Variants in SLC9C2 observed in about 807,000 individuals in gnomAD.
SLC9C2 encodes the protein sodium/hydrogen exchanger 11.
SLC9C2 carries 75 observed loss-of-function variants against 140.2 expected under a neutral mutation model. The observed-to-expected ratio is 0.53, with a 90% confidence interval of 0.44 to 0.65. SLC9C2 has a LOEUF of 0.65. Ranked by LOEUF, SLC9C2 falls within the 30% of genes least tolerant of loss-of-function variation. The pLI is 0.00. For synonymous variants in SLC9C2, 375 were observed against 420.9 expected, an observed-to-expected ratio of 0.89 and a Z score of 1.34; for missense variants, 1,074 against 1,331.8, an observed-to-expected ratio of 0.81 and a Z score of 3.01.
At chr1:173,513,153 G>A (rs967763248) in intron 23 of SLC9C2, among the ~76,000 whole-genome samples, 1 of 152,048 alleles carries the variant, frequency 6.6e-6, no homozygotes, top group Non-Finnish European at 1.5e-5. Flanking sequence ...GCCAGGTTTT[G>A]GTATCAGGAT....
chr1:173,520,570 G>A (rs964079175), intron 22 of SLC9C2, among the ~76,000 whole-genome samples: 2 of 152,198 alleles, frequency 1.3e-5, no homozygotes, highest in Non-Finnish European at 2.9e-5. Context: ...CCACATGGTG[G>A]TAATGAAGCA....
At chr1:173,502,867 G>T (rs1659381034) in intron 27 of SLC9C2, among the ~76,000 whole-genome samples, 1 of 152,132 alleles carries the variant, frequency 6.6e-6, no homozygotes, top group Admixed American at 6.5e-5. Flanking sequence ...CGTGTGATCA[G>T]CCTGTGACTC....
intron 9 of SLC9C2, among the ~76,000 whole-genome samples, chr1:173,569,301 T>C (rs1252835116): frequency 1.3e-5 from 2 of 151,924 alleles, no homozygotes; most frequent in Non-Finnish European, 2.9e-5. Flanking sequence ...AGTATGTCAC[T>C]TGCATTTTTT....
chr1:173,575,946 G>A (rs1316286590), intron 8 of SLC9C2, among the ~76,000 whole-genome samples: 1 of 152,120 alleles, frequency 6.6e-6, no homozygotes, highest in Non-Finnish European at 1.5e-5. Context: ...TGTCATAAAA[G>A]AAAGGACATT....
chr1:173,574,671 C>T (rs527664185), intron 8 of SLC9C2, among the ~76,000 whole-genome samples: 10 of 151,932 alleles, frequency 6.6e-5, no homozygotes, highest in South Asian at 4.2e-4. Context: ...CCACCACGCC[C>T]GGCTAATTTT....
intron 5 of SLC9C2, among the ~76,000 whole-genome samples, chr1:173,585,090 T>C (rs559252748): frequency 4.6e-5 from 7 of 152,326 alleles, no homozygotes; most frequent in African/African-American, 1.7e-4. Context: ...ATTGAGATCA[T>C]ACTAACACTC....
intron 8 of SLC9C2, among the ~76,000 whole-genome samples, chr1:173,574,701 A>G (rs774965263): frequency 2.0e-4 from 29 of 148,006 alleles, no homozygotes; most frequent in South Asian, 6.8e-4. Flanking sequence ...TAGTAGAGAC[A>G]GGGTTTCACC....
chr1:173,565,850 T>A (rs1664436855), intron 9 of SLC9C2, among the ~76,000 whole-genome samples: 2 of 152,152 alleles, frequency 1.3e-5, no homozygotes, highest in Admixed American at 6.5e-5. Context: ...ACGTGGAATG[T>A]CTTTTTTTTA....
At chr1:173,509,513 A>G in intron 24 of SLC9C2, 55 bp downstream of exon 24, 1 of 1,408,968 alleles carries the variant, frequency 7.1e-7, no homozygotes, top group Non-Finnish European at 9.4e-7. Context: ...TGCATTTTGT[A>G]AAAAATACAA....
intron 24 of SLC9C2, among the ~76,000 whole-genome samples, chr1:173,507,700 C>T (rs1223042957): frequency 1.3e-5 from 2 of 152,234 alleles, no homozygotes; most frequent in South Asian, 4.1e-4. Context: ...GAAACTTGGA[C>T]GCAGACTTGC....
rs554180797 is a variant in SLC9C2 at position 173,594,899 on chromosome 1, G to A, written c.357+3005C>T. On this transcript the variant is annotated intron_variant, in intron 4 of 27. Transcript: ENST00000367714. ...AATAAATGGAGATTTTGGTTGTTTT[G>A]TTTTTTGTTTTTGTTTTTGAGACAG... 5.3e-5 allele frequency among the ~76,000 whole-genome samples: 8 copies of A among 152,084 alleles called. No homozygotes were observed. In the East Asian group the frequency reaches 1.2e-3, roughly 22 times the overall value.
At chr1:173,597,312 G>A (rs969427602) in intron 4 of SLC9C2, among the ~76,000 whole-genome samples, 1 of 151,952 alleles carries the variant, frequency 6.6e-6, no homozygotes, top group Non-Finnish European at 1.5e-5. Flanking sequence ...GGATGGTGAT[G>A]AGTACACTAA....
chr1:173,588,236 G>C (rs10081982), intron 4 of SLC9C2, among the ~76,000 whole-genome samples: 85,142 of 151,948 alleles, frequency 0.56, 26,430 homozygotes, highest in East Asian at 0.97. Flanking sequence ...CACAGAAAAT[G>C]CCCCCCTTTA....
chr1:173,547,615 T>C, intron 13 of SLC9C2, 74 bp downstream of exon 13: 1 of 1,134,906 alleles, frequency 8.8e-7, no homozygotes, highest in Non-Finnish European at 1.3e-6. Context: ...TTTCAAGTCA[T>C]CTGAAAATCA....
At chr1:173,572,324 G>A (rs1558078566) in intron 9 of SLC9C2, among the ~76,000 whole-genome samples, 1 of 152,230 alleles carries the variant, frequency 6.6e-6, no homozygotes, top group Non-Finnish European at 1.5e-5. Context: ...CCACTCTGAT[G>A]AGGTGGGGGA....
intron 18 of SLC9C2, among the ~76,000 whole-genome samples, chr1:173,527,113 G>A (rs967981186): frequency 2.6e-5 from 4 of 152,126 alleles, no homozygotes; most frequent in African/African-American, 9.7e-5. Flanking sequence ...CCAAAGTGCT[G>A]GGATTACAGG....
At chr1:173,513,639 T>C (rs1660204751) in intron 23 of SLC9C2, among the ~76,000 whole-genome samples, 1 of 152,212 alleles carries the variant, frequency 6.6e-6, no homozygotes, top group Non-Finnish European at 1.5e-5. Context: ...GGGTTTTTTG[T>C]GTCTCTGTCT....
intron 8 of SLC9C2, among the ~76,000 whole-genome samples, chr1:173,574,397 T>C (rs1445992795): frequency 6.6e-6 from 1 of 152,152 alleles, no homozygotes; most frequent in African/African-American, 2.4e-5. Flanking sequence ...CTTAATTCAA[T>C]TGGTTCTGAA....
chr1:173,547,398 G>A (rs1278739472), intron 13 of SLC9C2, among the ~76,000 whole-genome samples: 1 of 150,238 alleles, frequency 6.7e-6, no homozygotes, highest in East Asian at 1.9e-4. Flanking sequence ...ATTTGAAAAT[G>A]TTTAATTATC....
Sources: allele counts gnomAD v4.1 joint callset (sites outside exome capture counted in the v4.1 genomes callset), GRCh38; gene constraint gnomAD v4.1.1; transcripts MANE v1.5; gene names NCBI Gene and HGNC (gene_info 2026-07-23, HGNC 2026-07-21).